The following SLC38A9 variants were observed in gnomAD, a reference collection of about 807,000 sequenced individuals.
SLC38A9 encodes neutral amino acid transporter 9.
A neutral mutation model predicts 62.3 loss-of-function variants in SLC38A9; 48 were observed. The ratio of observed to expected loss-of-function variants is 0.77; its 90% CI spans 0.61 to 0.98. The LOEUF is 0.98. SLC38A9 is among the 50% of genes least tolerant of loss of function. The probability of loss-of-function intolerance (pLI) is 0.00; values close to 1 mark genes in which losing one functional copy is unlikely to be tolerated. For synonymous variants in SLC38A9, 204 were observed against 227.7 expected (o/e 0.90, Z 0.94); for missense variants, 541 against 679.8 (o/e 0.80, Z 2.27).
At chr5:55,652,770 C>CG in intron 9 of SLC38A9, 47 bp from the exon 10 acceptor site, 1 of 1,497,082 alleles carries the variant, frequency 6.7e-7, no homozygotes, top group Non-Finnish European at 9.0e-7. Flanking sequence ...AAAAACAAAA[C>CG]AAAACAAAAC....
At chr5:55,687,071 T>G (rs1753960972) in intron 3 of SLC38A9, among the ~76,000 whole-genome samples, 2 of 22,304 alleles carry the variant, frequency 9.0e-5, no homozygotes, top group South Asian at 5.8e-3. Flanking sequence ...CTTTGTTTTT[T>G]TTTTTTTTTT....
intron 3 of SLC38A9, among the ~76,000 whole-genome samples, chr5:55,677,777 CCT>C (rs1048930391): frequency 1.3e-5 from 2 of 151,602 alleles, no homozygotes; most frequent in Non-Finnish European, 2.9e-5. Context: ...GATCCTCCTG[CCT>C]CTGTCTCCCA....
intron 2 of SLC38A9, among the ~76,000 whole-genome samples, chr5:55,699,068 A>G (rs2150644002): frequency 6.6e-6 from 1 of 152,272 alleles, no homozygotes; most frequent in Non-Finnish European, 1.5e-5. Flanking sequence ...AGCCTGGCCA[A>G]CATGGTGAAA....
At chr5:55,653,754 G>A (rs901888929) in intron 9 of SLC38A9, among the ~76,000 whole-genome samples, 1 of 152,012 alleles carries the variant, frequency 6.6e-6, no homozygotes, top group African/African-American at 2.4e-5. Flanking sequence ...TGCCTCCTGG[G>A]GTCAAGTGAT....
intron 12 of SLC38A9, among the ~76,000 whole-genome samples, chr5:55,643,077 A>G (rs970403923): frequency 6.6e-6 from 1 of 152,208 alleles, no homozygotes; most frequent in Admixed American, 6.5e-5. Flanking sequence ...TAAATTGAGC[A>G]CAAAATCTGC....
intron 10 of SLC38A9, 77 bp downstream of exon 10, chr5:55,652,452 C>T (rs1747691054): frequency 2.5e-6 from 2 of 801,616 alleles, no homozygotes; most frequent in African/African-American, 3.5e-5. Context: ...GGTAACTCCC[C>T]AATCAGACCA....
chr5:55,658,282 T>C (rs1561353831), intron 8 of SLC38A9, among the ~76,000 whole-genome samples: 2 of 152,154 alleles, frequency 1.3e-5, no homozygotes, highest in East Asian at 3.9e-4. Context: ...GCCTCCCGAG[T>C]AGCTGGGATT....
At chr5:55,692,048 A>AAT (rs760227555) in intron 3 of SLC38A9, among the ~76,000 whole-genome samples, 2 of 152,210 alleles carry the variant, frequency 1.3e-5, no homozygotes, top group Non-Finnish European at 2.9e-5. Context: ...AAGTAATCTA[A>AAT]ATATATACTT....
At chr5:55,652,278 A>G (rs926704222) in intron 10 of SLC38A9, among the ~76,000 whole-genome samples, 1 of 136,506 alleles carries the variant, frequency 7.3e-6, no homozygotes, top group African/African-American at 2.7e-5. Context: ...AATTGCTTGA[A>G]CCCCGGAAGC....
chr5:55,639,272 TAA>T (rs753043231), intron 12 of SLC38A9, among the ~76,000 whole-genome samples: 14 of 54,650 alleles, frequency 2.6e-4, no homozygotes, highest in African/African-American at 7.5e-4. Context: ...AAACTCTGTC[TAA>T]AAAAAAAAAA....
chr5:55,685,459 C>T (rs544127203), intron 3 of SLC38A9, among the ~76,000 whole-genome samples: 3 of 152,260 alleles, frequency 2.0e-5, no homozygotes, highest in Non-Finnish European at 4.4e-5. Flanking sequence ...GTTGTTTCCA[C>T]TTTGACCATC....
chr5:55,640,506 T>C (rs1028890981), intron 12 of SLC38A9, among the ~76,000 whole-genome samples: 3 of 152,158 alleles, frequency 2.0e-5, no homozygotes, highest in Non-Finnish European at 4.4e-5. Context: ...TCCTCAGTCT[T>C]TGGGAGACCA....
In SLC38A9 at chr5:55,697,889, G is replaced by A. The variant is rs2150628809; in HGVS notation, c.70C>T (p.Pro24Ser). ...GATGGCTCAAACTGGATATTCATAGGTCCAGGATCTCTTTCATGATCTACC... is the reference window on the plus strand; with the variant it reads ...GATGGCTCAAACTGGATATTCATAGATCCAGGATCTCTTTCATGATCTACC... ...SEVDHERDPGPMNIQFEPSDL... is the reference protein window; with the variant it reads ...SEVDHERDPGSMNIQFEPSDL... Residue 24 changes from proline to serine, a missense_variant, in exon 3 of 16, where the codon CCT (proline) becomes TCT (serine). Transcript: ENST00000396865. The A allele has an allele frequency of 1.9e-6, 3 of 1,598,768 alleles. No homozygotes were observed. Among genetic ancestry groups the A allele is most frequent in the South Asian group, 1.1e-5 (1 of 87,128 alleles).
intron 3 of SLC38A9, among the ~76,000 whole-genome samples, chr5:55,678,654 T>G (rs1235642141): frequency 1.5e-5 from 2 of 133,188 alleles, no homozygotes; most frequent in Admixed American, 1.5e-4. Flanking sequence ...ACTTTTTTTT[T>G]TTTTTTTTTT....
intron 3 of SLC38A9, among the ~76,000 whole-genome samples, chr5:55,684,448 G>A (rs1753462770): frequency 6.6e-6 from 1 of 152,168 alleles, no homozygotes; most frequent in African/African-American, 2.4e-5. Flanking sequence ...CCAGTTTGGG[G>A]GATTGAGATG....
chr5:55,631,721 T>G (rs1417975980), intron 14 of SLC38A9, among the ~76,000 whole-genome samples: 1 of 152,258 alleles, frequency 6.6e-6, no homozygotes, highest in Non-Finnish European at 1.5e-5. Flanking sequence ...TCAGTTCATT[T>G]TAAACAAGAA....
In SLC38A9 at chr5:55,645,106, G is replaced by A. The variant is rs554870511; in HGVS notation, c.1167+683C>T. Among the ~76,000 whole-genome samples the A allele has an allele frequency of 1.3e-3, 199 of 152,222 alleles. 1 individual carries two copies. The highest frequency in any genetic ancestry group is 0.01 in the Middle Eastern group (3 of 294). On this transcript the variant is annotated intron_variant, in intron 12 of 15. Transcript: ENST00000396865. The stretch of plus-strand genomic sequence containing the variant: ...GATGGGGTTTTGCTCTGTTGACCGG[G>A]CTAGAGTGCAGTGGCATGAACACAG...
chr5:55,663,784 A>T (rs1007533212), intron 8 of SLC38A9, among the ~76,000 whole-genome samples: 3 of 152,180 alleles, frequency 2.0e-5, no homozygotes, highest in African/African-American at 7.2e-5. Flanking sequence ...TTATAAAGCT[A>T]ATTTTATTCT....
chr5:55,702,693 A>C (rs1756823536), intron 2 of SLC38A9: 1 of 152,000 alleles, frequency 6.6e-6, no homozygotes, highest in African/African-American at 2.4e-5. Flanking sequence ...TTAAGTGAAA[A>C]ATTTTTCTTC....
Sources: gnomAD v4.1 joint callset for allele counts (sites outside exome capture counted in the v4.1 genomes callset) on GRCh38, gnomAD v4.1.1 for gene constraint, MANE v1.5 for transcripts, NCBI Gene and HGNC (gene_info 2026-07-23, HGNC 2026-07-21) for gene names.